Variants in TNPO3 observed in about 807,000 individuals in gnomAD.
The protein encoded by TNPO3 is transportin 3.
Under a neutral mutation model 122.8 loss-of-function variants are expected in TNPO3, and 65 were observed. The observed-to-expected ratio is 0.53, with a 90% CI of 0.43 to 0.65. TNPO3 has a LOEUF of 0.65. Among genes scored for constraint, TNPO3 ranks in the 30% least tolerant of loss-of-function variants. The pLI is 0.00. For synonymous variants in TNPO3, 372 were observed against 411.2 expected, an observed-to-expected ratio of 0.90 and a Z score of 1.15; for missense variants, 850 against 1,136.7, an observed-to-expected ratio of 0.75 and a Z score of 3.63.
intron 12 of TNPO3, among the ~76,000 whole-genome samples, chr7:128,985,734 A>G (rs1154330): frequency 0.14 from 21,993 of 152,246 alleles, 1,661 homozygotes; most frequent in Middle Eastern, 0.18. Flanking sequence ...AAATGACAAG[A>G]ATATTTGACT....
intron 11 of TNPO3, 26 bp downstream of exon 11, chr7:128,989,935 T>C (rs761785975): frequency 1.2e-6 from 2 of 1,600,772 alleles, no homozygotes; most frequent in South Asian, 2.2e-5. Context: ...AAGTTAGAAG[T>C]GGCAGAGGAG....
Position 128,975,803 on chromosome 7 carries a change from C to T in TNPO3, c.2178+16G>A. On this transcript the variant is annotated intron_variant, in intron 17 of 22. Transcript: ENST00000265388. ...CTCTAGGCCTGATGCGTCTACACTC[C>T]TCATGGAAAAGATACCTGGAGCATG... 2 of 1,559,448 alleles carry T rather than the reference C, an allele frequency of 1.3e-6. No homozygotes were observed. Among genetic ancestry groups the T allele is most frequent in the Non-Finnish European group, 1.8e-6 (2 of 1,130,382 alleles).
At chr7:128,958,832 C>T (rs1366876288) in intron 21 of TNPO3, among the ~76,000 whole-genome samples, 1 of 152,088 alleles carries the variant, frequency 6.6e-6, no homozygotes, top group Non-Finnish European at 1.5e-5. Flanking sequence ...AGGGAGACCC[C>T]GTCTCTACAA....
intron 1 of TNPO3, among the ~76,000 whole-genome samples, chr7:129,020,333 C>A (rs114663913): frequency 7.9e-5 from 12 of 152,276 alleles, no homozygotes; most frequent in Admixed American, 6.5e-5. Flanking sequence ...TTTCCTTTCT[C>A]AAGTAAAAAA....
chr7:129,016,804 T>C (rs954438008), intron 3 of TNPO3, among the ~76,000 whole-genome samples, 179 bp downstream of exon 3: 2 of 152,250 alleles, frequency 1.3e-5, no homozygotes, highest in African/African-American at 4.8e-5. Context: ...CCACACAATA[T>C]ATTTCAGTAG....
chr7:128,989,889 AAAGT>A (rs1800569570), intron 11 of TNPO3, 68 bp downstream of exon 11: 7 of 1,551,486 alleles, frequency 4.5e-6, no homozygotes, highest in African/African-American at 1.4e-5. Context: ...AACACATGCA[AAAGT>A]AAGAGATGAG....
chr7:129,048,636 A>T (rs1490421005), intron 1 of TNPO3, among the ~76,000 whole-genome samples: 2 of 152,118 alleles, frequency 1.3e-5, no homozygotes, highest in Non-Finnish European at 2.9e-5. Flanking sequence ...ACATCTCATA[A>T]AGGATTTAAA....
intron 7 of TNPO3, among the ~76,000 whole-genome samples, chr7:128,999,900 A>C (rs946806598): frequency 1.3e-4 from 20 of 152,316 alleles, no homozygotes; most frequent in African/African-American, 3.6e-4. Context: ...GGTGTGAGCC[A>C]CCAACCCCGA....
At chr7:129,045,338 A>T (rs960685851) in intron 1 of TNPO3, among the ~76,000 whole-genome samples, 13 of 152,148 alleles carry the variant, frequency 8.5e-5, no homozygotes, top group Admixed American at 8.5e-4. Context: ...ACACTTAAAA[A>T]TGGTTAAAAT....
chr7:128,986,621 C>A, intron 12 of TNPO3, 108 bp downstream of exon 12: 1 of 1,044,898 alleles, frequency 9.6e-7, no homozygotes, highest in South Asian at 1.7e-5. Flanking sequence ...CTTATAAATT[C>A]TTAAACACTA....
chr7:128,966,068 A>G (rs904374785), intron 21 of TNPO3, among the ~76,000 whole-genome samples: 1 of 152,252 alleles, frequency 6.6e-6, no homozygotes, highest in South Asian at 2.1e-4. Context: ...TTAATACTGT[A>G]AATTTCATGT....
At chr7:129,045,629 A>C (rs1186156316) in intron 1 of TNPO3, among the ~76,000 whole-genome samples, 1 of 152,232 alleles carries the variant, frequency 6.6e-6, no homozygotes, top group Non-Finnish European at 1.5e-5. Flanking sequence ...AAGAATGCTG[A>C]AGAAATATCT....
At chr7:129,055,710 T>G (rs569181581), upstream of TNPO3, 6 of 269,718 alleles carry the variant, frequency 2.2e-5, no homozygotes, top group African/African-American at 1.3e-4. Context: ...TATTCTCACA[T>G]TGAACTGTAT....
chr7:128,979,867 T>G (rs983978677), intron 15 of TNPO3, 104 bp downstream of exon 15: 33 of 996,324 alleles, frequency 3.3e-5, no homozygotes, highest in Non-Finnish European at 5.3e-5. Flanking sequence ...AAACTGAATC[T>G]CCCTATGAAC....
chr7:129,026,686 G>A (rs534905183), intron 1 of TNPO3, among the ~76,000 whole-genome samples: 1 of 152,314 alleles, frequency 6.6e-6, no homozygotes, highest in African/African-American at 2.4e-5. Flanking sequence ...TTACAGGCAT[G>A]AGCCACTGCA....
intron 15 of TNPO3, among the ~76,000 whole-genome samples, chr7:128,979,664 T>A (rs1000417328): frequency 6.6e-6 from 1 of 152,204 alleles, no homozygotes; most frequent in African/African-American, 2.4e-5. Context: ...GAAAACGAAG[T>A]CACTAGCTTT....
intron 10 of TNPO3, among the ~76,000 whole-genome samples, chr7:128,990,893 C>T (rs758921631): frequency 1.2e-4 from 18 of 151,984 alleles, no homozygotes; most frequent in Non-Finnish European, 2.2e-4. Flanking sequence ...GCAAGACCAC[C>T]CTCTGCTAAT....
intron 7 of TNPO3, 59 bp downstream of exon 7, chr7:129,000,370 T>G: frequency 6.9e-7 from 1 of 1,449,096 alleles, no homozygotes; most frequent in South Asian, 1.6e-5. Flanking sequence ...TAATGAAATA[T>G]AGATAATATG....
chr7:128,963,339 C>A (rs977154305), intron 21 of TNPO3, among the ~76,000 whole-genome samples: 1 of 152,184 alleles, frequency 6.6e-6, no homozygotes, highest in Non-Finnish European at 1.5e-5. Flanking sequence ...AGAGCCAATA[C>A]GATCCTGCCC....
Sources: gnomAD v4.1 joint callset for allele counts (sites outside exome capture counted in the v4.1 genomes callset) on GRCh38, gnomAD v4.1.1 for gene constraint, MANE v1.5 for transcripts, NCBI Gene and HGNC (gene_info 2026-07-23, HGNC 2026-07-21) for gene names.